Variants in ANGPT2 observed in about 807,000 individuals in gnomAD.
ANGPT2 encodes the protein angiopoietin 2.
Under a neutral mutation model 62.9 loss-of-function variants are expected in ANGPT2, and 28 were observed. That is an observed-to-expected ratio of 0.44 (90% CI 0.33 to 0.61). The LOEUF is 0.61. Ranked by LOEUF, ANGPT2 falls within the 20% of genes least tolerant of loss-of-function variation. The probability of loss-of-function intolerance (pLI) is 0.03; values close to 1 mark genes in which losing one functional copy is unlikely to be tolerated. For synonymous variants in ANGPT2, 284 were observed against 207.8 expected, an observed-to-expected ratio of 1.37 and a Z score of -3.15; for missense variants, 727 against 594.9, an observed-to-expected ratio of 1.22 and a Z score of -2.31.
Position 6,503,044 on chromosome 8 carries a change from A to G in ANGPT2, c.*57T>C. On this transcript the variant is annotated 3_prime_UTR_variant, in exon 9 of 9. Coordinates refer to ENST00000629816, the MANE Select transcript of ANGPT2 (RefSeq NM_001118887.2). ...AGTGCGCAGCCGTGACTTTCAGTGCACTGGGCTTAAGTCTTTGAAAATAGT... is the reference window on the plus strand; with the variant it reads ...AGTGCGCAGCCGTGACTTTCAGTGCGCTGGGCTTAAGTCTTTGAAAATAGT... The G allele has an allele frequency of 1.2e-6, 2 of 1,600,620 alleles. No individual in the cohort carries two copies. The highest frequency in any genetic ancestry group is 8.5e-7 in the Non-Finnish European group (1 of 1,171,844).
chr8:6,530,589 T>A (rs943114991), intron 2 of ANGPT2, among the ~76,000 whole-genome samples: 1 of 151,690 alleles, frequency 6.6e-6, no homozygotes, highest in African/African-American at 2.4e-5. Context: ...TTTAGATATA[T>A]ATTGATATAT....
chr8:6,534,196 A>G (rs1312895772), intron 1 of ANGPT2, among the ~76,000 whole-genome samples: 1 of 151,394 alleles, frequency 6.6e-6, no homozygotes, highest in African/African-American at 2.4e-5. Context: ...CCACACCATC[A>G]ATATATTTTA....
At chr8:6,539,590 T>C (rs1821153566) in intron 1 of ANGPT2, among the ~76,000 whole-genome samples, 1 of 152,176 alleles carries the variant, frequency 6.6e-6, no homozygotes, top group Non-Finnish European at 1.5e-5. Flanking sequence ...CATACTTTTT[T>C]ATTGTCTTTT....
At chr8:6,538,320 G>A (rs565429659) in intron 1 of ANGPT2, among the ~76,000 whole-genome samples, 5 of 151,978 alleles carry the variant, frequency 3.3e-5, no homozygotes, top group South Asian at 2.1e-4. Context: ...CCATCTTCCC[G>A]CCCAGGGTCC....
At chr8:6,507,393 A>G (rs1412793169) in intron 8 of ANGPT2, among the ~76,000 whole-genome samples, 1 of 152,104 alleles carries the variant, frequency 6.6e-6, no homozygotes, top group Non-Finnish European at 1.5e-5. Context: ...GTTATTCTTT[A>G]CATTCATTTT....
At chr8:6,512,342 G>T (rs1006979977) in intron 7 of ANGPT2, among the ~76,000 whole-genome samples, 6 of 152,130 alleles carry the variant, frequency 3.9e-5, no homozygotes, top group Non-Finnish European at 1.5e-5. Context: ...CTTTAACATT[G>T]TGTCTCCTTT....
rs1468644321 is a variant in ANGPT2 at position 6,500,193 on chromosome 8, A to T, written c.*2908T>A. On this transcript the variant is annotated 3_prime_UTR_variant, in exon 9 of 9. Transcript: ENST00000629816. ...CATCCTCAGAACTGAGAAAAACAAA[A>T]ATGAAAAAAGACTGAATTCTTGGGC... 2.2e-6 allele frequency: 1 copy of T among 457,324 alleles called. No homozygotes were observed. The highest frequency in any genetic ancestry group is 3.5e-5 in the Admixed American group (1 of 28,892). The allele number at this position is 457,324 out of a possible 1,614,324, so 28.3% of individuals were successfully genotyped here. A position where few individuals can be genotyped will look rare whatever the true frequency, so the allele number is the denominator to read the frequency against.
intron 1 of ANGPT2, among the ~76,000 whole-genome samples, chr8:6,546,149 G>T: frequency 6.6e-6 from 1 of 152,238 alleles, no homozygotes; most frequent in Admixed American, 6.5e-5. Context: ...TGCTATGCTA[G>T]TGTGAAAATT....
intron 4 of ANGPT2, among the ~76,000 whole-genome samples, chr8:6,520,580 G>C (rs1817129074): frequency 6.6e-6 from 1 of 152,092 alleles, no homozygotes; most frequent in Non-Finnish European, 1.5e-5. Flanking sequence ...ATTTTTAGTA[G>C]AGACAGGATT....
chr8:6,511,726 ATG>A (rs1172344691), intron 7 of ANGPT2, among the ~76,000 whole-genome samples: 2 of 152,190 alleles, frequency 1.3e-5, no homozygotes, highest in Admixed American at 1.3e-4. Context: ...CTTTAAACCA[ATG>A]TGTGTGTTTT....
intron 6 of ANGPT2, 59 bp downstream of exon 6, chr8:6,514,618 C>G (rs1238428539): frequency 1.6e-5 from 24 of 1,481,736 alleles, no homozygotes; most frequent in Non-Finnish European, 2.0e-5. Context: ...TTCCGCAGAT[C>G]TTGAAAGCTA....
In ANGPT2 at chr8:6,502,394, T is replaced by A. The variant is rs1443652809; in HGVS notation, c.*707A>T. On this transcript the variant is annotated 3_prime_UTR_variant, in exon 9 of 9. Transcript: ENST00000629816. ...TCTGCATATAAACTAAAATGGCACG[T>A]TTCTGTTGATAATTTCAGAGATTCT... 6.6e-6 allele frequency: 1 copy of A among 152,132 alleles called. No homozygotes were observed. Among genetic ancestry groups the A allele is most frequent in the East Asian group, 1.9e-4 (1 of 5,202 alleles). The allele number at this position is 152,132 out of a possible 1,614,324, so 9.4% of individuals were successfully genotyped here.
chr8:6,552,618 G>A (rs73664545), intron 1 of ANGPT2, among the ~76,000 whole-genome samples: 4,880 of 152,098 alleles, frequency 0.032, 179 homozygotes, highest in African/African-American at 0.086. Flanking sequence ...TATAATTACC[G>A]TTCCTGCAAT....
chr8:6,550,276 G>A (rs1823398531), intron 1 of ANGPT2, among the ~76,000 whole-genome samples: 1 of 152,150 alleles, frequency 6.6e-6, no homozygotes, highest in African/African-American at 2.4e-5. Context: ...AGCAGCCATG[G>A]GGAGGTTGAA....
At chr8:6,503,950 A>G (rs1294457864) in intron 8 of ANGPT2, among the ~76,000 whole-genome samples, 2 of 152,162 alleles carry the variant, frequency 1.3e-5, no homozygotes, top group Admixed American at 1.3e-4. Flanking sequence ...CTTATCTGCT[A>G]TTTTTGCTTT....
At chr8:6,557,223 G>A (rs1350675325) in intron 1 of ANGPT2, among the ~76,000 whole-genome samples, 2 of 152,082 alleles carry the variant, frequency 1.3e-5, no homozygotes, top group East Asian at 1.9e-4. Flanking sequence ...TTACCGCTGG[G>A]CAATCCATAC....
At chr8:6,532,908 C>A (rs905848914) in intron 1 of ANGPT2, among the ~76,000 whole-genome samples, 1 of 152,178 alleles carries the variant, frequency 6.6e-6, no homozygotes, top group Non-Finnish European at 1.5e-5. Flanking sequence ...ATCACTATTT[C>A]TCTCACATTC....
chr8:6,537,558 A>G (rs1820732953), intron 1 of ANGPT2, among the ~76,000 whole-genome samples: 1 of 151,426 alleles, frequency 6.6e-6, no homozygotes, highest in African/African-American at 2.4e-5. Context: ...ATATATATAT[A>G]TATGTTTACA....
At chr8:6,515,815 C>T (rs1003686848) in intron 5 of ANGPT2, among the ~76,000 whole-genome samples, 1 of 152,174 alleles carries the variant, frequency 6.6e-6, no homozygotes, top group Non-Finnish European at 1.5e-5. Flanking sequence ...GGCGATTTGG[C>T]AGGGTAAGCT....
Sources: allele counts gnomAD v4.1 joint callset (sites outside exome capture counted in the v4.1 genomes callset), GRCh38; gene constraint gnomAD v4.1.1; transcripts MANE v1.5; gene names NCBI Gene and HGNC (gene_info 2026-07-23, HGNC 2026-07-21).